PHTF2: variants seen among roughly 807,000 people sequenced by gnomAD.
PHTF2 encodes protein PHTF2.
In PHTF2, 60 loss-of-function variants were observed where a neutral mutation model predicts 101.2. The observed-to-expected ratio is 0.59, with a 90% CI of 0.48 to 0.73. PHTF2 has a LOEUF of 0.73. PHTF2 is among the 30% of genes least tolerant of loss of function. PHTF2 has a pLI of 0.00. For missense variants in PHTF2, 747 were observed against 908.7 expected, an observed-to-expected ratio of 0.82 and a Z score of 2.29; for synonymous variants, 311 against 307.3, an observed-to-expected ratio of 1.01 and a Z score of -0.13.
At chr7:77,823,653 C>G (rs1227425116) in intron 1 of PHTF2, among the ~76,000 whole-genome samples, 1 of 152,144 alleles carries the variant, frequency 6.6e-6, no homozygotes, top group Non-Finnish European at 1.5e-5. Flanking sequence ...TTATTTTAGA[C>G]AAGGAATATT....
At chr7:77,906,072 C>T (rs1801828790) in intron 7 of PHTF2, among the ~76,000 whole-genome samples, 1 of 152,136 alleles carries the variant, frequency 6.6e-6, no homozygotes, top group African/African-American at 2.4e-5. Flanking sequence ...ACTGCAACCT[C>T]CACCTCCCAG....
intron 1 of PHTF2, among the ~76,000 whole-genome samples, chr7:77,837,807 C>T (rs901853382): frequency 3.2e-4 from 49 of 151,942 alleles, no homozygotes; most frequent in African/African-American, 1.1e-3. Context: ...TTAAAAAATA[C>T]TATTATTTAT....
At chr7:77,893,808 T>A in intron 4 of PHTF2, 144 bp downstream of exon 3, 1 of 626,034 alleles carries the variant, frequency 1.6e-6, no homozygotes. Context: ...AAACTTTATT[T>A]ACCATAGTCA....
At chr7:77,844,925 G>T (rs1796160464) in intron 2 of PHTF2, among the ~76,000 whole-genome samples, 1 of 152,140 alleles carries the variant, frequency 6.6e-6, no homozygotes. Flanking sequence ...TCATAGTTAT[G>T]AATAATTTTA....
At chr7:77,930,837 T>G (rs1365151433) in intron 12 of PHTF2, among the ~76,000 whole-genome samples, 2 of 152,276 alleles carry the variant, frequency 1.3e-5, no homozygotes, top group East Asian at 3.9e-4. Flanking sequence ...TTAGGCTGAT[T>G]TAAAGTCCAT....
intron 3 of PHTF2, among the ~76,000 whole-genome samples, chr7:77,877,732 G>A (rs534042317): frequency 6.6e-6 from 1 of 152,316 alleles, no homozygotes; most frequent in Non-Finnish European, 1.5e-5. Context: ...GCCAACATCA[G>A]CCAGCTAAGA....
chr7:77,839,644 C>A (rs979305660), intron 1 of PHTF2, among the ~76,000 whole-genome samples: 4 of 152,082 alleles, frequency 2.6e-5, no homozygotes, highest in Non-Finnish European at 5.9e-5. Flanking sequence ...TGACAGTTAG[C>A]AAACTGTGAT....
At chr7:77,939,589 C>CAAAAAAAAAAA (rs914007792) in intron 13 of PHTF2, among the ~76,000 whole-genome samples, 8 of 75,002 alleles carry the variant, frequency 1.1e-4, no homozygotes, top group Admixed American at 1.6e-4. Context: ...GACCCTGTCT[C>CAAAAAAAAAAA]AAAAAAAAAA....
intron 12 of PHTF2, among the ~76,000 whole-genome samples, chr7:77,930,361 A>G (rs780899942): frequency 9.2e-5 from 14 of 152,110 alleles, no homozygotes; most frequent in East Asian, 5.8e-4. Flanking sequence ...CAATACCTCA[A>G]ATTTAACCAG....
At chr7:77,880,389 A>G (rs946106588) in intron 3 of PHTF2, among the ~76,000 whole-genome samples, 8 of 152,114 alleles carry the variant, frequency 5.3e-5, no homozygotes, top group Non-Finnish European at 7.4e-5. Flanking sequence ...TCATTCTCCC[A>G]TCTTAGCTGC....
chr7:77,815,530 A>C (rs557767650), intron 1 of PHTF2, among the ~76,000 whole-genome samples: 1 of 152,340 alleles, frequency 6.6e-6, no homozygotes, highest in Non-Finnish European at 1.5e-5. Flanking sequence ...GTTATACAAA[A>C]TTTAGGAAAA....
intron 6 of PHTF2, among the ~76,000 whole-genome samples, chr7:77,901,203 T>G (rs115860665): frequency 0.01 from 1,528 of 152,356 alleles, 33 homozygotes; most frequent in African/African-American, 0.034. Flanking sequence ...GCATTGGAGA[T>G]TACAATTCAA....
intron 7 of PHTF2, among the ~76,000 whole-genome samples, chr7:77,905,392 A>ATTATTT (rs1326700411): frequency 2.0e-5 from 3 of 151,880 alleles, no homozygotes; most frequent in African/African-American, 7.3e-5. Flanking sequence ...TGCCCAGCTA[A>ATTATTT]TTATTTTTAT....
At chr7:77,902,857 G>C (rs773306597) in intron 7 of PHTF2, among the ~76,000 whole-genome samples, 4 of 152,008 alleles carry the variant, frequency 2.6e-5, no homozygotes, top group African/African-American at 4.8e-5. Context: ...TTTCTTCTAA[G>C]CCAGGTTACA....
Position 77,940,519 on chromosome 7 carries a change from CT to C in PHTF2, c.1741-3del, listed in dbSNP as rs34216253. ...CTTGAAAATTAATCCTCATCTTAAT[CT>C]TTTTTAGCGATTACTTTTTGCAAAA... is the stretch of plus-strand genomic sequence containing the variant. On this transcript the variant is annotated splice_polypyrimidine_tract_variant and splice_region_variant and intron_variant, in intron 14 of 19. Transcript: ENST00000416283. The C allele has an allele frequency of 6.3e-7, 1 of 1,581,856 alleles. No homozygotes were observed.
intron 2 of PHTF2, among the ~76,000 whole-genome samples, chr7:77,854,438 G>A (rs1022214966): frequency 2.6e-5 from 4 of 152,202 alleles, no homozygotes; most frequent in South Asian, 2.1e-4. Flanking sequence ...GGCCTACAGC[G>A]ACTACTACCT....
chr7:77,852,600 A>G (rs1210232911), intron 2 of PHTF2, among the ~76,000 whole-genome samples: 3 of 152,170 alleles, frequency 2.0e-5, no homozygotes, highest in Non-Finnish European at 4.4e-5. Flanking sequence ...TAGTCTTTCT[A>G]CTCAATATGT....
chr7:77,954,631 T>TATATATATATATAG (rs1806857325), intron 19 of PHTF2, among the ~76,000 whole-genome samples: 1 of 145,178 alleles, frequency 6.9e-6, no homozygotes, highest in African/African-American at 2.5e-5. Flanking sequence ...TATATATATA[T>TATATATATATATAG]ATATATATAT....
At chr7:77,924,828 A>G (rs1803808323) in intron 11 of PHTF2, among the ~76,000 whole-genome samples, 1 of 152,154 alleles carries the variant, frequency 6.6e-6, no homozygotes, top group Admixed American at 6.5e-5. Flanking sequence ...CACCAAGGGA[A>G]CTGGGGATGA....
Sources: allele counts gnomAD v4.1 joint callset (sites outside exome capture counted in the v4.1 genomes callset), GRCh38; gene constraint gnomAD v4.1.1; transcripts MANE v1.5; gene names NCBI Gene and HGNC (gene_info 2026-07-23, HGNC 2026-07-21).